KIAA0319: variants seen among roughly 807,000 people sequenced by gnomAD.
The protein encoded by KIAA0319 is dyslexia-associated protein KIAA0319.
Under a neutral mutation model 108.4 loss-of-function variants are expected in KIAA0319, and 83 were observed. That is an observed-to-expected ratio of 0.77 (90% confidence interval 0.64 to 0.92). The LOEUF (loss-of-function observed/expected upper bound fraction) is 0.92, where lower values mean the gene tolerates loss of function less well. Among genes scored for constraint, KIAA0319 ranks in the 40% least tolerant of loss-of-function variants. The probability of loss-of-function intolerance (pLI) is 0.00; values close to 1 mark genes in which losing one functional copy is unlikely to be tolerated. For synonymous variants in KIAA0319, 484 were observed against 510.4 expected (o/e 0.95, Z 0.70); for missense variants, 1,195 against 1,322.4 (o/e 0.90, Z 1.49).
At chr6:24,616,452 G>A (rs1231912700) in intron 1 of KIAA0319, among the ~76,000 whole-genome samples, 2 of 152,176 alleles carry the variant, frequency 1.3e-5, no homozygotes, top group Non-Finnish European at 2.9e-5. Flanking sequence ...CCGCCTCCCG[G>A]GTTCAAGCGA....
chr6:24,607,106 A>T (rs1771525093), intron 1 of KIAA0319, among the ~76,000 whole-genome samples: 1 of 152,258 alleles, frequency 6.6e-6, no homozygotes, highest in Admixed American at 6.5e-5. Context: ...CTGTAATCCC[A>T]GCACTTTGGG....
At chr6:24,601,379 T>G in intron 1 of KIAA0319, 171 bp from the exon 2 acceptor site, 1 of 926,864 alleles carries the variant, frequency 1.1e-6, no homozygotes, top group Non-Finnish European at 1.3e-6. Flanking sequence ...ATAGCCAGTA[T>G]AGTTCCTAAG....
chr6:24,543,214 T>C (rs563221403), downstream of KIAA0319, among the ~76,000 whole-genome samples: 1 of 152,306 alleles, frequency 6.6e-6, no homozygotes, highest in South Asian at 2.1e-4. Flanking sequence ...GAAAGCTCCA[T>C]ACAGTACTAC....
intron 16 of KIAA0319, among the ~76,000 whole-genome samples, chr6:24,562,498 TTC>T (rs1455075873): frequency 1.3e-5 from 2 of 152,294 alleles, no homozygotes; most frequent in East Asian, 3.9e-4. Context: ...CATTCCCATA[TTC>T]TTTTTCTCCC....
At chr6:24,575,619 G>A (rs552525681) in intron 10 of KIAA0319, among the ~76,000 whole-genome samples, 1 of 152,246 alleles carries the variant, frequency 6.6e-6, no homozygotes, top group East Asian at 1.9e-4. Flanking sequence ...AGGAACACTG[G>A]AAAGCAAAGC....
Position 24,579,863 on chromosome 6 carries a change from C to T in KIAA0319, c.1367G>A (p.Gly456Asp), listed in dbSNP as rs892282646. The T allele has an allele frequency of 1.3e-6, 2 of 1,599,978 alleles. No individual in the cohort carries two copies. Among genetic ancestry groups the T allele is most frequent in the African/African-American group, 1.3e-5 (1 of 74,638 alleles). The part of the protein sequence containing the change: ...TLPLTSALID[G>D]SQSTDDTEIV... ...AACTATCTCAGGATACACACGGCTG[C>T]CATCAATGAGGGCTGACGTCAAAGG... The change falls in exon 8 of 21, where the codon GGC (glycine) becomes GAC (aspartate). Residue 456 changes from glycine (G) to aspartate (D), a missense_variant. By Grantham distance (94) the Gly-to-Asp change is moderately conservative. Transcript: ENST00000378214.
intron 10 of KIAA0319, among the ~76,000 whole-genome samples, chr6:24,573,046 C>T (rs573339153): frequency 4.6e-5 from 7 of 152,212 alleles, no homozygotes; most frequent in Admixed American, 3.3e-4. Flanking sequence ...ACTTGGAACA[C>T]GGGAGAGGGA....
At position 24,596,418 on chromosome 6, in the gene KIAA0319, C is replaced by T; in HGVS notation, c.256G>A (p.Glu86Lys). The change falls in exon 3 of 21, where the codon GAG (glutamate) becomes AAG (lysine). Residue 86 changes from glutamate (E) to lysine (K), a missense_variant. Glu to Lys is a moderately conservative substitution (Grantham distance 56). Transcript: ENST00000378214. ...RCYLVSCPHK[E>K]NCEPKKMGPI... ...CCCATCTTCTTGGGCTCACAGTTCT[C>T]TTTGTGGGGGCAGCTCACCAGGTAG... The T allele has an allele frequency of 6.2e-7, 1 of 1,614,236 alleles. No homozygotes were observed. Among genetic ancestry groups the T allele is most frequent in the Non-Finnish European group, 8.5e-7 (1 of 1,180,044 alleles).
intron 1 of KIAA0319, among the ~76,000 whole-genome samples, chr6:24,616,642 G>T (rs1272430106): frequency 6.6e-6 from 1 of 152,112 alleles, no homozygotes; most frequent in Non-Finnish European, 1.5e-5. Flanking sequence ...ATGAGCCACC[G>T]TGCTCGGCCT....
intron 1 of KIAA0319, among the ~76,000 whole-genome samples, chr6:24,609,754 A>G (rs1772032113): frequency 6.6e-6 from 1 of 152,020 alleles, no homozygotes; most frequent in African/African-American, 2.4e-5. Flanking sequence ...TAAATTTCTG[A>G]TGAAAAGCAC....
chr6:24,557,745 G>A (rs1581910540), intron 17 of KIAA0319, among the ~76,000 whole-genome samples: 1 of 151,998 alleles, frequency 6.6e-6, no homozygotes, highest in African/African-American at 2.4e-5. Flanking sequence ...AAGGATTGGG[G>A]AACATAATCA....
intron 19 of KIAA0319, among the ~76,000 whole-genome samples, chr6:24,554,177 T>G (rs186624129): frequency 5.6e-4 from 86 of 152,346 alleles, no homozygotes; most frequent in African/African-American, 1.8e-3. Flanking sequence ...TGGTGTCCAC[T>G]GCAAAGCTGT....
intron 13 of KIAA0319, among the ~76,000 whole-genome samples, chr6:24,567,100 A>G (rs1359134534): frequency 6.6e-6 from 1 of 152,184 alleles, no homozygotes; most frequent in African/African-American, 2.4e-5. Flanking sequence ...TTTACAATAT[A>G]CTTTGGGTCA....
At chr6:24,570,120 C>T in intron 11 of KIAA0319, 85 bp from the exon 12 acceptor site, 2 of 1,336,844 alleles carry the variant, frequency 1.5e-6, no homozygotes, top group East Asian at 4.8e-5. Flanking sequence ...AAGTACATTA[C>T]TCATCTTCAG....
Position 24,568,887 on chromosome 6 carries a change from T to A in KIAA0319, c.2034A>T (p.Ile678=). 1 of 1,614,210 alleles carries A rather than the reference T, an allele frequency of 6.2e-7. No homozygotes were observed. Residue 678 remains isoleucine (I), a synonymous_variant, in exon 13 of 21, where the codon ATA becomes ATT. Transcript: ENST00000378214. ...AVEMENIDKA[I]ATVTGLQVGT... Reference sequence around the variant, plus strand: ...CCACCTGGAGACCAGTCACAGTGGCTATTGCTTTGTCAATATTTTCCATCT... The same window carrying A: ...CCACCTGGAGACCAGTCACAGTGGCAATTGCTTTGTCAATATTTTCCATCT...
rs74629326 is a variant in KIAA0319 at position 24,620,927 on chromosome 6, G to A, written c.-105-19719C>T. Among the ~76,000 whole-genome samples, 8 of 152,288 alleles carry A rather than the reference G, an allele frequency of 5.3e-5. No individual in the cohort carries two copies. In the East Asian group the frequency reaches 1.4e-3, roughly 26 times the overall value. Reference sequence around the variant, plus strand: ...ATAATAGCACCTATGCGTATGCCTAGGAATGCAGCTGACTTCCTACTGCCA... The same window carrying A: ...ATAATAGCACCTATGCGTATGCCTAAGAATGCAGCTGACTTCCTACTGCCA... On this transcript the variant is annotated intron_variant, in intron 1 of 20. Coordinates refer to ENST00000378214, the MANE Select transcript of KIAA0319 (RefSeq NM_014809.4).
At chr6:24,613,266 C>CA (rs1772642631) in intron 1 of KIAA0319, among the ~76,000 whole-genome samples, 1 of 152,014 alleles carries the variant, frequency 6.6e-6, no homozygotes, top group African/African-American at 2.4e-5. Flanking sequence ...GCGCGTAACA[C>CA]AGAGAGGGGT....
At chr6:24,560,237 G>A (rs111724606) in intron 16 of KIAA0319, among the ~76,000 whole-genome samples, 4 of 152,264 alleles carry the variant, frequency 2.6e-5, no homozygotes, top group African/African-American at 9.6e-5. Context: ...GAATTAATGG[G>A]TTATATGGTA....
chr6:24,574,204 C>G (rs1304531569), intron 10 of KIAA0319, among the ~76,000 whole-genome samples: 1 of 151,904 alleles, frequency 6.6e-6, no homozygotes, highest in Non-Finnish European at 1.5e-5. Flanking sequence ...GAGGCCAAGG[C>G]GAGAAGATTT....
Sources: gnomAD v4.1 joint callset for allele counts (sites outside exome capture counted in the v4.1 genomes callset) on GRCh38, gnomAD v4.1.1 for gene constraint, MANE v1.5 for transcripts, NCBI Gene and HGNC (gene_info 2026-07-23, HGNC 2026-07-21) for gene names.